LRP1: variants seen among roughly 807,000 people sequenced by gnomAD.
The protein encoded by LRP1 is LDL receptor related protein 1, also known as prolow-density lipoprotein receptor-related protein 1.
Under a neutral mutation model 541.5 loss-of-function variants are expected in LRP1, and 51 were observed. That is an observed-to-expected ratio of 0.09 (90% CI 0.08 to 0.12). LRP1 has a LOEUF of 0.12. Among genes scored for constraint, LRP1 ranks in the 10% least tolerant of loss-of-function variants. The pLI, the probability that LRP1 is intolerant of heterozygous loss-of-function variation, is 1.00. For missense variants in LRP1, 3,878 were observed against 6,376.2 expected, an observed-to-expected ratio of 0.61 and a Z score of 13.34; for synonymous variants, 2,219 against 2,470.8, an observed-to-expected ratio of 0.90 and a Z score of 3.02.
chr12:57,203,694 A>G, intron 70 of LRP1, 173 bp downstream of exon 70: 1 of 844,484 alleles, frequency 1.2e-6, no homozygotes, highest in South Asian at 2.0e-5. Context: ...GTAGTAGTAA[A>G]CAAGACACAG....
Position 57,183,848 on chromosome 12 carries a change from T to G in LRP1, c.5868T>G (p.Arg1956=). The change falls in exon 36 of 89, where the codon CGT becomes CGG. Residue 1956 remains arginine (R), a synonymous_variant. Transcript: ENST00000243077. This position sits in a 1 kb window ranked among gnomAD's most constrained non-coding sequence, Gnocchi z 6.1. ...GGGCCAAGCGGGACCAGACGTGGCG[T>G]GAAGACGTGGTGACCAATGGCATTG... ...ISRAKRDQTW[R]EDVVTNGIGR... 6.2e-7 allele frequency: 1 copy of G among 1,614,160 alleles called. No individual in the cohort carries two copies. The highest frequency in any genetic ancestry group is 8.5e-7 in the Non-Finnish European group (1 of 1,180,034).
Position 57,201,354 on chromosome 12 carries a change from C to G in LRP1, c.10346-143C>G. 3 of 1,403,828 alleles carry G rather than the reference C, an allele frequency of 2.1e-6. No individual in the cohort carries two copies. Among genetic ancestry groups the G allele is most frequent in the Non-Finnish European group, 2.9e-6 (3 of 1,037,412 alleles). 87.0% of individuals were successfully genotyped at this position (1,403,828 alleles called of 1,614,324 possible). A position where few individuals can be genotyped will look rare whatever the true frequency, so the allele number is the denominator to read the frequency against. On this transcript the variant is annotated intron_variant, in intron 65 of 88. Transcript: ENST00000243077. The surrounding 1 kb of genome is among the most constrained non-coding windows in gnomAD (Gnocchi z 6.4). ...TAGAGATCCAGAAAACAAAAAGCAC[C>G]AAAACTGGGGATAAACTGTTCCTTC...
rs1419485696 is a variant in LRP1 at position 57,175,689 on chromosome 12, G to C, written c.3777G>C (p.Glu1259Asp). The change falls in exon 23 of 89, where the codon GAG becomes GAC. Residue 1259 changes from glutamate (E) to aspartate (D), a missense_variant. By Grantham distance (45) the Glu-to-Asp change is conservative. Coordinates refer to ENST00000243077, the MANE Select transcript of LRP1 (RefSeq NM_002332.3). ...YEGWVLEPDGESCRSLDPFKP... is the reference protein window; with the variant it reads ...YEGWVLEPDGDSCRSLDPFKP... Reference sequence around the variant, plus strand: ...GCTGGGTCCTGGAACCTGACGGCGAGAGCTGCCGCAGCCTGGGTGAGACAA... The same window carrying C: ...GCTGGGTCCTGGAACCTGACGGCGACAGCTGCCGCAGCCTGGGTGAGACAA... The C allele has an allele frequency of 6.4e-7, 1 of 1,572,734 alleles. No individual in the cohort carries two copies. Among genetic ancestry groups the C allele is most frequent in the South Asian group, 1.2e-5 (1 of 83,344 alleles).
At chr12:57,139,141 G>C (rs1208924861) in intron 2 of LRP1, among the ~76,000 whole-genome samples, 1 of 152,218 alleles carries the variant, frequency 6.6e-6, no homozygotes, top group African/African-American at 2.4e-5. Flanking sequence ...GGGAAGTGGA[G>C]AACTTGTTGG....
intron 15 of LRP1, 37 bp downstream of exon 15, chr12:57,163,020 A>T (rs1244571504): frequency 6.3e-7 from 1 of 1,577,480 alleles, no homozygotes; most frequent in African/African-American, 1.3e-5. Flanking sequence ...TGGGAAGCAG[A>T]CCCCATCAGG....
intron 1 of LRP1, among the ~76,000 whole-genome samples, chr12:57,136,395 G>GGCCCCCCCC (rs1555179757): frequency 1.0e-5 from 1 of 99,104 alleles, no homozygotes; most frequent in Non-Finnish European, 2.0e-5. Flanking sequence ...CCTCCTAAGA[G>GGCCCCCCCC]CCCCCCCCCC....
At chr12:57,194,798 G>A in intron 50 of LRP1, 99 bp downstream of exon 50, 1 of 1,430,168 alleles carries the variant, frequency 7.0e-7, no homozygotes, top group African/African-American at 1.4e-5. Flanking sequence ...GGCATCCAGA[G>A]CCTTCAACCC....
intron 19 of LRP1, chr12:57,168,234 CG>C (rs1270981241): frequency 6.5e-6 from 1 of 153,282 alleles, no homozygotes; most frequent in Non-Finnish European, 1.5e-5. Context: ...CTGAGCCTGC[CG>C]GTCAGTGCAT....
intron 20 of LRP1, among the ~76,000 whole-genome samples, chr12:57,170,171 G>GTCTGTCACCAGATCCCCATTTCCCCTT (rs1292097560): frequency 1.3e-5 from 2 of 152,224 alleles, no homozygotes; most frequent in East Asian, 3.8e-4. Context: ...CTGTGGGCAT[G>GTCTGTCACCAGATCCCCATTTCCCCTT]TCTGTCACCA....
chr12:57,176,994 A>C (rs750509022), intron 24 of LRP1, 47 bp from the exon 25 acceptor site: 1 of 1,533,842 alleles, frequency 6.5e-7, no homozygotes, highest in East Asian at 2.2e-5. Context: ...ACATTCATGC[A>C]CAGCTCCCCA....
rs553846743 is a variant in LRP1 at position 57,205,230 on chromosome 12, C to T, written c.11316C>T (p.Asp3772=). 4.4e-5 allele frequency: 71 copies of T among 1,613,212 alleles called. No homozygotes were observed. Among genetic ancestry groups the T allele is most frequent in the Non-Finnish European group, 5.3e-5 (63 of 1,179,694 alleles). ...TCGATGACTGCGGGGACGGCTCTGA[C>T]GAGGAGGACTGCAGCATCGGTGAGG... ...NMFDDCGDGS[D]EEDCSIDPKL... Residue 3772 remains aspartate, a synonymous_variant, in exon 73 of 89, where the codon GAC becomes GAT. Transcript: ENST00000243077. This position sits in a 1 kb window ranked among gnomAD's most constrained non-coding sequence, Gnocchi z 4.6.
In LRP1 at chr12:57,173,316, C is replaced by T. The variant is rs143641805; in HGVS notation, c.3312C>T (p.Cys1104=). 72 of 1,613,718 alleles carry T rather than the reference C, an allele frequency of 4.5e-5. No homozygotes were observed. Among genetic ancestry groups the T allele is most frequent in the Admixed American group, 2.8e-4 (17 of 59,982 alleles). Residue 1104 remains cysteine (C), a synonymous_variant, in exon 21 of 89, where the codon TGC becomes TGT. Transcript: ENST00000243077. This position sits in a 1 kb window ranked among gnomAD's most constrained non-coding sequence, Gnocchi z 4.7. ...EKSCEGVTHV[C]DPSVKFGCKD... ...GCTGTGAGGGAGTGACCCACGTCTG[C>T]GATCCCAGTGTCAAGTTTGGCTGCA...
chr12:57,162,761 C>A lies in LRP1; in HGVS notation c.2405-97C>A. On this transcript the variant is annotated intron_variant, in intron 14 of 88. Transcript: ENST00000243077. The surrounding 1 kb of genome is among the most constrained non-coding windows in gnomAD (Gnocchi z 5.2). ...TTCTTCCTCTCCATATTTCCTCTTT[C>A]TGTCCCCACATCTTAATGTGTCTCC... 2 of 1,357,420 alleles carry A rather than the reference C, an allele frequency of 1.5e-6. No homozygotes were observed. The highest frequency in any genetic ancestry group is 1.0e-6 in the Non-Finnish European group (1 of 995,076). 84.1% of individuals were successfully genotyped at this position (1,357,420 alleles called of 1,614,324 possible).
intron 6 of LRP1, chr12:57,149,050 C>T (rs751670998): frequency 6.4e-6 from 4 of 628,140 alleles, no homozygotes; most frequent in Non-Finnish European, 1.1e-5. Context: ...AAAGAAGGGG[C>T]AGACAGCAGT....
At chr12:57,137,418 T>A (rs1203034666) in intron 1 of LRP1, among the ~76,000 whole-genome samples, 1 of 151,746 alleles carries the variant, frequency 6.6e-6, no homozygotes, top group Non-Finnish European at 1.5e-5. Flanking sequence ...GTTCCTAGAG[T>A]TCATTTCAGC....
chr12:57,183,315 T>A lies in LRP1; in HGVS notation c.5663-64T>A. On this transcript the variant is annotated intron_variant, in intron 34 of 88. Coordinates refer to ENST00000243077, the MANE Select transcript of LRP1 (RefSeq NM_002332.3). The surrounding 1 kb of genome is among the most constrained non-coding windows in gnomAD (Gnocchi z 6.1). The stretch of plus-strand genomic sequence containing the variant: ...GGAGAAGCAGAGAACAGTTGGAGGG[T>A]GACAGGAACCAAGTTTAAGGGAGTG... 3.9e-6 allele frequency: 6 copies of A among 1,542,726 alleles called. No homozygotes were observed. The highest frequency in any genetic ancestry group is 4.4e-6 in the Non-Finnish European group (5 of 1,131,800).
rs1339908380 is a variant in LRP1, at chr12:57,185,179, A to C, written c.6437A>C (p.Lys2146Thr). The change falls in exon 40 of 89, where the codon AAA becomes ACA. Residue 2146 changes from lysine to threonine, a missense_variant. Coordinates refer to ENST00000243077, the MANE Select transcript of LRP1 (RefSeq NM_002332.3). This position sits in a 1 kb window ranked among gnomAD's most constrained non-coding sequence, Gnocchi z 4.9. ...ATCGGCGTCCAGCTTAAAGACATCA[A>C]AGTCTTCAACCGGGACCGGCAGAAA... The part of the protein sequence containing the change: ...TGIGVQLKDI[K>T]VFNRDRQKGT... 1 of 1,614,050 alleles carries C rather than the reference A, an allele frequency of 6.2e-7. No individual in the cohort carries two copies. Among genetic ancestry groups the C allele is most frequent in the Admixed American group, 1.7e-5 (1 of 59,998 alleles).
At position 57,154,561 on chromosome 12, in the gene LRP1, G is replaced by A; in HGVS notation, c.1087G>A (p.Asp363Asn). 5 of 1,614,126 alleles carry A rather than the reference G, an allele frequency of 3.1e-6. No individual in the cohort carries two copies. Among genetic ancestry groups the A allele is most frequent in the African/African-American group, 1.3e-5 (1 of 75,050 alleles). ...MDGQNRTKLV[D>N]SKIVFPHGIT... ...TGGGCAGAACCGCACCAAGCTCGTC[G>A]ACAGCAAGATTGTGTTTCCTCATGG... Residue 363 changes from aspartate (D) to asparagine (N), a missense_variant, in exon 8 of 89, where the codon GAC becomes AAC. Around this residue, in one of 13 missense-constraint regions of LRP1, gnomAD observed 496 missense variants for 861.0 expected, o/e 0.58. Transcript: ENST00000243077. The surrounding 1 kb of genome is among the most constrained non-coding windows in gnomAD (Gnocchi z 4.6).
At position 57,212,755 on chromosome 12, in the gene LRP1, C is replaced by T; in HGVS notation, c.*200C>T. On this transcript the variant is annotated 3_prime_UTR_variant, in exon 89 of 89. Transcript: ENST00000243077. This position sits in a 1 kb window ranked among gnomAD's most constrained non-coding sequence, Gnocchi z 5.0. ...TTTCTCCATCCCCTCCCTGCCTGCT[C>T]CTTGGCACCCCCATGCTGCCTTCAG... is the stretch of plus-strand genomic sequence containing the variant. The T allele has an allele frequency of 1.7e-6, 1 of 578,104 alleles. No individual in the cohort carries two copies. The highest frequency in any genetic ancestry group is 3.6e-5 in the Admixed American group (1 of 28,106). The allele number at this position is 578,104 out of a possible 1,614,324, so 35.8% of individuals were successfully genotyped here.
Sources: gnomAD v4.1 joint callset for allele counts (sites outside exome capture counted in the v4.1 genomes callset) on GRCh38, gnomAD v4.1.1 for gene constraint, gnomAD v4.1.1 regional missense constraint, Gnocchi (gnomAD v3.1) non-coding constraint, MANE v1.5 for transcripts, NCBI Gene and HGNC (gene_info 2026-07-23, HGNC 2026-07-21) for gene names.